The following HSPD1 variants were observed in gnomAD, a reference collection of about 807,000 sequenced individuals.
HSPD1 encodes 60 kDa heat shock protein, mitochondrial.
Under a neutral mutation model 53.0 loss-of-function variants are expected in HSPD1, and 3 were observed. The observed-to-expected ratio is 0.06, with a 90% CI of 0.03 to 0.15. The LOEUF is 0.15. HSPD1 is among the 10% of genes least tolerant of loss of function. The pLI is 1.00. For synonymous variants in HSPD1, 200 were observed against 228.0 expected (o/e 0.88, Z 1.10); for missense variants, 431 against 694.1 (o/e 0.62, Z 4.26).
chr2:197,489,908 G>A (rs1420583571), intron 8 of HSPD1, among the ~76,000 whole-genome samples: 1 of 149,310 alleles, frequency 6.7e-6, no homozygotes, highest in African/African-American at 2.5e-5. Flanking sequence ...AGTCAATATA[G>A]ATCAAGTCAA....
rs2086144091 is a variant in HSPD1, at chr2:197,495,301, A to G, written c.503T>C (p.Ile168Thr). 3 of 1,599,628 alleles carry G rather than the reference A, an allele frequency of 1.9e-6. No individual in the cohort carries two copies. Among genetic ancestry groups the G allele is most frequent in the South Asian group, 1.1e-5 (1 of 90,780 alleles). Residue 168 changes from isoleucine (I) to threonine (T), a missense_variant, in exon 4 of 12, where the codon ATT becomes ACT. Ile to Thr is a moderately conservative substitution (Grantham distance 89, BLOSUM62 -1). This residue lies in a region of HSPD1 where 386 missense variants were observed against 657.6 expected (regional missense o/e 0.59). Transcript: ENST00000388968. ...QSKPVTTPEE[I>T]AQVATISANG... is the part of the protein sequence containing the mutation. ...AACATGTTAAGTCCTTACCTGTGCA[A>G]TTTCTTCAGGGGTGGTCACAGGTTT...
In HSPD1 at chr2:197,498,943, A is replaced by G. The variant is rs2086198312; in HGVS notation, c.-2-93T>C. On this transcript the variant is annotated intron_variant, in intron 1 of 11. Coordinates refer to ENST00000388968, the MANE Select transcript of HSPD1 (RefSeq NM_002156.5). ...CCTGTGCAACAGAGCAAGCAACGTG[A>G]GATGCTGAGCCTGGCTGACCTCCGC... 3.8e-5 allele frequency: 44 copies of G among 1,159,348 alleles called. No homozygotes were observed. The East Asian group carries it at 1.1e-3, about 29-fold the overall frequency. The allele number at this position is 1,159,348 out of a possible 1,614,324, so 71.8% of individuals were successfully genotyped here.
chr2:197,496,476 G>C (rs1303806458), intron 3 of HSPD1, among the ~76,000 whole-genome samples: 2 of 152,076 alleles, frequency 1.3e-5, no homozygotes, highest in Non-Finnish European at 2.9e-5. Flanking sequence ...CTTACAAGAG[G>C]GTTCCTGGTT....
intron 3 of HSPD1, among the ~76,000 whole-genome samples, chr2:197,496,535 A>C (rs941684805): frequency 6.6e-6 from 1 of 152,202 alleles, no homozygotes; most frequent in South Asian, 2.1e-4. Flanking sequence ...CTGATAGGAA[A>C]ACCAAGTCTT....
chr2:197,493,034 T>C (rs1477136784), intron 7 of HSPD1, among the ~76,000 whole-genome samples: 2 of 151,414 alleles, frequency 1.3e-5, no homozygotes, highest in Non-Finnish European at 2.9e-5. Context: ...GATTCAGTCA[T>C]GTGCCTTCAA....
At chr2:197,487,341 G>C (rs1036775351) in intron 11 of HSPD1, 143 bp from the exon 12 acceptor site, 4 of 724,550 alleles carry the variant, frequency 5.5e-6, no homozygotes, top group Non-Finnish European at 7.3e-6. Flanking sequence ...GAGGTTAGGA[G>C]TTCAAGACCA....
Position 197,493,540 on chromosome 2 carries a change from T to A in HSPD1, c.701-48A>T, listed in dbSNP as rs140244336. On this transcript the variant is annotated intron_variant, in intron 6 of 11. Transcript: ENST00000388968. ...AAAAATATACAAAAAATGACTGCAA[T>A]ACATTTAAATGAAAAGCGAAACCAA... 1.9e-5 allele frequency: 26 copies of A among 1,369,192 alleles called. 1 individual carries two copies. In the African/African-American group the frequency reaches 3.1e-4, roughly 17 times the overall value. 84.8% of individuals were successfully genotyped at this position (1,369,192 alleles called of 1,614,324 possible). A position where few individuals can be genotyped will look rare whatever the true frequency, so the allele number is the denominator to read the frequency against.
At chr2:197,493,663 G>A (rs1392083216) in intron 6 of HSPD1, among the ~76,000 whole-genome samples, 171 bp from the exon 7 acceptor site, 5 of 152,100 alleles carry the variant, frequency 3.3e-5, no homozygotes, top group South Asian at 4.1e-4. Flanking sequence ...TTTTTTAGAG[G>A]ATGACACCAA....
intron 2 of HSPD1, among the ~76,000 whole-genome samples, chr2:197,498,355 A>G (rs1342563619): frequency 2.0e-5 from 3 of 152,218 alleles, no homozygotes; most frequent in African/African-American, 7.2e-5. Context: ...ACTTGGCATG[A>G]ACTACTGGGA....
At position 197,487,939 on chromosome 2, in the gene HSPD1, T is replaced by C. The variant is rs142434256; in HGVS notation, c.1488A>G (p.Gln496=). 279 of 1,613,704 alleles carry C rather than the reference T, an allele frequency of 1.7e-4. No individual in the cohort carries two copies. Among genetic ancestry groups the C allele is most frequent in the Non-Finnish European group, 2.2e-4 (259 of 1,179,608 alleles). The change falls in exon 11 of 12, where the codon CAA becomes CAG. Residue 496 remains glutamine, a synonymous_variant. Coordinates refer to ENST00000388968, the MANE Select transcript of HSPD1 (RefSeq NM_002156.5). Reference sequence around the variant, plus strand: ...CATCATAACCAACTTCTGAGGAACTTTGCATAATTTTCTCAACTATCAAAG... The same window carrying C: ...CATCATAACCAACTTCTGAGGAACTCTGCATAATTTTCTCAACTATCAAAG... The part of the protein sequence containing the change: ...EGSLIVEKIM[Q]SSSEVGYDAM...
intron 9 of HSPD1, among the ~76,000 whole-genome samples, chr2:197,488,695 CCT>C (rs1468807888): frequency 6.6e-6 from 1 of 152,068 alleles, no homozygotes; most frequent in African/African-American, 2.4e-5. Context: ...ATGGTGAAGC[CCT>C]GTCTCCACTA....
At chr2:197,493,540 T>C in intron 6 of HSPD1, 48 bp from the exon 7 acceptor site, 1 of 1,369,194 alleles carries the variant, frequency 7.3e-7, no homozygotes, top group Non-Finnish European at 1.0e-6. Flanking sequence ...ATGACTGCAA[T>C]ACATTTAAAT....
chr2:197,490,132 A>C (rs942816494), intron 8 of HSPD1, 65 bp downstream of exon 8: 1 of 1,135,832 alleles, frequency 8.8e-7, no homozygotes, highest in Non-Finnish European at 1.3e-6. Context: ...GAAATGTTAA[A>C]CTATCTATAA....
chr2:197,490,351 T>A, intron 7 of HSPD1, 55 bp from the exon 8 acceptor site: 1 of 1,318,052 alleles, frequency 7.6e-7, no homozygotes, highest in Non-Finnish European at 1.1e-6. Flanking sequence ...CCTATCTGTT[T>A]AATTCCCCTC....
chr2:197,494,749 C>A lies in HSPD1; in HGVS notation c.514G>T (p.Ala172Ser). 3 of 1,602,888 alleles carry A rather than the reference C, an allele frequency of 1.9e-6. No homozygotes were observed. The highest frequency in any genetic ancestry group is 2.6e-6 in the Non-Finnish European group (3 of 1,169,898). ...VTTPEEIAQV[A>S]TISANGDKEI... ...TTGTCTCCGTTTGCAGAAATCGTAG[C>A]AACCTGAAATAATCCAGTTACTCTT... is the stretch of plus-strand genomic sequence containing the variant. Residue 172 changes from alanine (A) to serine (S), a missense_variant, in exon 5 of 12, where the codon GCT becomes TCT. This residue lies in a region of HSPD1 where 386 missense variants were observed against 657.6 expected (regional missense o/e 0.59). Transcript: ENST00000388968.
At chr2:197,496,613 G>A (rs1203502011) in intron 3 of HSPD1, among the ~76,000 whole-genome samples, 1 of 152,192 alleles carries the variant, frequency 6.6e-6, no homozygotes, top group Non-Finnish European at 1.5e-5. Flanking sequence ...AACCTCATGA[G>A]GAGGAGCAAA....
At chr2:197,489,526 G>A (rs2086065336) in intron 8 of HSPD1, among the ~76,000 whole-genome samples, 1 of 152,050 alleles carries the variant, frequency 6.6e-6, no homozygotes, top group East Asian at 1.9e-4. Flanking sequence ...AAGACCATAG[G>A]CCTTGACTCT....
At chr2:197,494,012 G>C (rs897859913) in intron 6 of HSPD1, 145 bp downstream of exon 6, 3 of 575,776 alleles carry the variant, frequency 5.2e-6, no homozygotes, top group Admixed American at 2.9e-5. Flanking sequence ...TGAGGCAAGA[G>C]AATCACTTGA....
Position 197,497,174 on chromosome 2 carries a change from A to C in HSPD1, c.393T>G (p.Ile131Met). The change falls in exon 3 of 12, where the codon ATT (isoleucine) becomes ATG (methionine). Residue 131 changes from isoleucine to methionine, a missense_variant. By Grantham distance (10) the Ile-to-Met change is conservative (BLOSUM62 1). Transcript: ENST00000388968. ...TTTCCACTGGATTAGCACCTTTGCT[A>C]ATCTTCTCGAAGCCTTCCTTGGCTA... ...RSIAKEGFEKISKGANPVEIR... is the reference protein window; with the variant it reads ...RSIAKEGFEKMSKGANPVEIR... The C allele has an allele frequency of 1.9e-6, 3 of 1,614,176 alleles. No individual in the cohort carries two copies. The highest frequency in any genetic ancestry group is 2.5e-6 in the Non-Finnish European group (3 of 1,179,982).
Sources: allele counts gnomAD v4.1 joint callset (sites outside exome capture counted in the v4.1 genomes callset), GRCh38; gene constraint gnomAD v4.1.1; regional missense constraint gnomAD v4.1.1; transcripts MANE v1.5; gene names NCBI Gene and HGNC (gene_info 2026-07-23, HGNC 2026-07-21).